The following LIN54 variants were observed in gnomAD, a reference collection of about 807,000 sequenced individuals.
LIN54 encodes the protein protein lin-54 homolog.
A neutral mutation model predicts 78.7 loss-of-function variants in LIN54; 9 were observed. That is an observed-to-expected ratio of 0.11 (90% CI 0.07 to 0.20). The LOEUF (loss-of-function observed/expected upper bound fraction) is 0.20. Among genes scored for constraint, LIN54 ranks in the 10% least tolerant of loss-of-function variants. The probability of loss-of-function intolerance (pLI) is 1.00; values close to 1 mark genes in which losing one functional copy is unlikely to be tolerated. For missense variants in LIN54, 573 were observed against 889.9 expected (o/e 0.64, Z 4.53); for synonymous variants, 269 against 318.4 (o/e 0.84, Z 1.65).
At chr4:82,981,030 T>C (rs1726590719) in intron 2 of LIN54, among the ~76,000 whole-genome samples, 1 of 152,186 alleles carries the variant, frequency 6.6e-6, no homozygotes, top group South Asian at 2.1e-4. Context: ...TAAGGAACTA[T>C]GATTTTTTTG....
chr4:82,956,845 ACTCTTGAG>A (rs1211569948), intron 4 of LIN54, among the ~76,000 whole-genome samples: 12 of 151,974 alleles, frequency 7.9e-5, no homozygotes, highest in Admixed American at 7.9e-4. Flanking sequence ...CTGGTCTCGA[ACTCTTGAG>A]CTCAAGTGAT....
chr4:82,932,243 C>G (rs71631361), intron 11 of LIN54, among the ~76,000 whole-genome samples: 1 of 150,824 alleles, frequency 6.6e-6, no homozygotes, highest in Non-Finnish European at 1.5e-5. Context: ...TACAGGCACC[C>G]GCCACCACGC....
At chr4:82,953,529 G>A (rs1449280719) in intron 4 of LIN54, among the ~76,000 whole-genome samples, 1 of 152,132 alleles carries the variant, frequency 6.6e-6, no homozygotes, top group East Asian at 1.9e-4. Flanking sequence ...TTGGGAGGCT[G>A]AGATGGGAGG....
intron 1 of LIN54, among the ~76,000 whole-genome samples, chr4:82,992,040 T>A (rs1262150077): frequency 1.3e-5 from 2 of 152,168 alleles, no homozygotes; most frequent in Non-Finnish European, 2.9e-5. Flanking sequence ...CTCTATTTCC[T>A]CCTTAAATAT....
rs1033848212 is a variant in LIN54, at chr4:83,010,685, T to TCGCCGC, written c.-240_-235dup. ...GGGAGCCGGGGTGGCGACGTCGCCGTCGCCGCCGCCTCTGGTATGTCAGGG... is the reference window on the plus strand; with the variant it reads ...GGGAGCCGGGGTGGCGACGTCGCCGTCGCCGCCGCCGCCGCCTCTGGTATGTCAGGG... On this transcript the variant is annotated 5_prime_UTR_variant, in exon 1 of 13. Transcript: ENST00000340417. The TCGCCGC allele has an allele frequency of 1.8e-5, 21 of 1,154,232 alleles. No homozygotes were observed. The highest frequency in any genetic ancestry group is 7.1e-4 in the Middle Eastern group (2 of 2,828). The allele number at this position is 1,154,232 out of a possible 1,614,324, so 71.5% of individuals were successfully genotyped here.
intron 8 of LIN54, among the ~76,000 whole-genome samples, chr4:82,938,150 A>G (rs997133076): frequency 1.3e-5 from 2 of 152,190 alleles, no homozygotes; most frequent in Admixed American, 6.5e-5. Flanking sequence ...AAAAATAGTT[A>G]GCATCATCAT....
rs1194059146 is a variant in LIN54 at position 82,984,606 on chromosome 4, G to C, written c.239C>G (p.Thr80Ser). ...ATTAGAATCTGCTTTAGTAATTGTG[G>C]TATTCACTGCAACTTGGTTAGTGTG... Reference protein sequence around the residue: ...SNHTNQVAVNTTITKADSNTT... With the variant: ...SNHTNQVAVNSTITKADSNTT... The change falls in exon 2 of 13, where the codon ACC (threonine) becomes AGC (serine). Residue 80 changes from threonine (T) to serine (S), a missense_variant. Physicochemically the swap from Thr to Ser is moderately conservative, Grantham distance 58. Transcript: ENST00000340417. 6.2e-7 allele frequency: 1 copy of C among 1,614,076 alleles called. No homozygotes were observed. Among genetic ancestry groups the C allele is most frequent in the Non-Finnish European group, 8.5e-7 (1 of 1,180,054 alleles).
intron 1 of LIN54, among the ~76,000 whole-genome samples, chr4:82,986,923 G>A (rs1259249925): frequency 6.6e-6 from 1 of 152,040 alleles, no homozygotes; most frequent in East Asian, 1.9e-4. Context: ...ATTTAGAAAG[G>A]TTAATTTGCC....
At position 82,984,657 on chromosome 4, in the gene LIN54, G is replaced by A. The variant is rs150644459; in HGVS notation, c.188C>T (p.Thr63Met). The stretch of plus-strand genomic sequence containing the variant: ...GTTACTGTACACTGTGATTGGTTCC[G>A]TGGAAATGGGCGTGGCTGTAGAGTC... Reference protein sequence around the residue: ...TGDSTATPISTEPITVYSNHT... With the variant: ...TGDSTATPISMEPITVYSNHT... Residue 63 changes from threonine to methionine, a missense_variant, in exon 2 of 13, where the codon ACG becomes ATG. Transcript: ENST00000340417. The A allele has an allele frequency of 3.9e-5, 63 of 1,614,120 alleles. 1 individual carries two copies. In the South Asian group the frequency reaches 4.9e-4, roughly 13 times the overall value.
intron 3 of LIN54, among the ~76,000 whole-genome samples, chr4:82,971,510 AT>A (rs1277129940): frequency 6.6e-6 from 1 of 151,368 alleles, no homozygotes; most frequent in African/African-American, 2.4e-5. Context: ...TAGATAATCA[AT>A]TTTTAAATTT....
chr4:82,986,816 T>C (rs1198390069), intron 1 of LIN54, among the ~76,000 whole-genome samples: 1 of 151,900 alleles, frequency 6.6e-6, no homozygotes, highest in African/African-American at 2.4e-5. Context: ...TAAACCATCA[T>C]TATTGAGTGC....
rs749761762 is a variant in LIN54 at position 82,984,325 on chromosome 4, C to T, written c.520G>A (p.Gly174Arg). 17 of 1,614,096 alleles carry T rather than the reference C, an allele frequency of 1.1e-5. No individual in the cohort carries two copies. Among genetic ancestry groups the T allele is most frequent in the Non-Finnish European group, 1.4e-5 (17 of 1,180,010 alleles). The change falls in exon 2 of 13, where the codon GGA becomes AGA. Residue 174 changes from glycine (G) to arginine (R), a missense_variant. Physicochemically the swap from Gly to Arg is moderately radical, Grantham distance 125 (BLOSUM62 -2). Coordinates refer to ENST00000340417, the MANE Select transcript of LIN54 (RefSeq NM_194282.4). Reference sequence around the variant, plus strand: ...TGCTGCGGTGGTAACTTAGCATCTCCTGACTGGGCCTGAGTTGTAACTTTC... The same window carrying T: ...TGCTGCGGTGGTAACTTAGCATCTCTTGACTGGGCCTGAGTTGTAACTTTC... ...AQKVTTQAQS[G>R]DAKLPPQQIK... is the part of the protein sequence containing the mutation.
intron 4 of LIN54, among the ~76,000 whole-genome samples, chr4:82,954,521 G>A (rs1001236224): frequency 1.3e-5 from 2 of 151,968 alleles, no homozygotes; most frequent in African/African-American, 4.8e-5. Flanking sequence ...CAGTTCAGGT[G>A]ACTCTCCCAC....
chr4:82,960,935 G>A (rs988800712), intron 4 of LIN54, among the ~76,000 whole-genome samples: 2 of 151,942 alleles, frequency 1.3e-5, no homozygotes, highest in African/African-American at 2.4e-5. Context: ...AGGCATGTGC[G>A]TGTATTCCCA....
chr4:82,929,928 G>C (rs1397363673), intron 12 of LIN54, among the ~76,000 whole-genome samples: 1 of 152,136 alleles, frequency 6.6e-6, no homozygotes, highest in African/African-American at 2.4e-5. Flanking sequence ...GACGGAGTTT[G>C]CTCTTGTTGC....
intron 1 of LIN54, among the ~76,000 whole-genome samples, chr4:82,990,713 G>C (rs1338466166): frequency 6.6e-6 from 1 of 152,058 alleles, no homozygotes; most frequent in African/African-American, 2.4e-5. Flanking sequence ...TCGATCTCCT[G>C]ACCTCGTGAT....
rs72925206 is a variant in LIN54 at position 82,926,504 on chromosome 4, T to A, written c.*1598A>T. On this transcript the variant is annotated 3_prime_UTR_variant, in exon 13 of 13. Coordinates refer to ENST00000340417, the MANE Select transcript of LIN54 (RefSeq NM_194282.4). ...TGAACATATATACACACTTAATACATACAACTATAGAGTCCTTGTAGGAAA... is the reference window on the plus strand; with the variant it reads ...TGAACATATATACACACTTAATACAAACAACTATAGAGTCCTTGTAGGAAA... The A allele has an allele frequency of 6.6e-6, 1 of 152,656 alleles. No individual in the cohort carries two copies. The highest frequency in any genetic ancestry group is 1.9e-4 in the East Asian group (1 of 5,188). The allele number at this position is 152,656 out of a possible 1,614,324, so 9.5% of individuals were successfully genotyped here. A position where few individuals can be genotyped will look rare whatever the true frequency, so the allele number is the denominator to read the frequency against.
At chr4:82,936,196 C>A in intron 10 of LIN54, 78 bp from the exon 11 acceptor site, 1 of 1,559,322 alleles carries the variant, frequency 6.4e-7, no homozygotes, top group Non-Finnish European at 8.8e-7. Flanking sequence ...GAATTGATAA[C>A]GTTTCTTTGC....
intron 11 of LIN54, among the ~76,000 whole-genome samples, chr4:82,934,316 G>A (rs1181877270): frequency 2.6e-5 from 4 of 152,236 alleles, no homozygotes. Flanking sequence ...TGAGGCAGGA[G>A]AATCGCTTGA....
Sources: gnomAD v4.1 joint callset for allele counts (sites outside exome capture counted in the v4.1 genomes callset) on GRCh38, gnomAD v4.1.1 for gene constraint, MANE v1.5 for transcripts, NCBI Gene and HGNC (gene_info 2026-07-23, HGNC 2026-07-21) for gene names.